The following MTSS1 variants were observed in gnomAD, a reference collection of about 807,000 sequenced individuals.
MTSS1 encodes the protein protein MTSS 1.
In MTSS1, 18 loss-of-function variants were observed where a neutral mutation model predicts 79.0. The ratio of observed to expected loss-of-function variants is 0.23; its 90% CI spans 0.16 to 0.34. The LOEUF (loss-of-function observed/expected upper bound fraction) is 0.34, where lower values mean the gene tolerates loss of function less well. Among genes scored for constraint, MTSS1 ranks in the 10% least tolerant of loss-of-function variants. The probability of loss-of-function intolerance (pLI) is 1.00; values close to 1 mark genes in which losing one functional copy is unlikely to be tolerated. For synonymous variants in MTSS1, 341 were observed against 368.6 expected, an observed-to-expected ratio of 0.93 and a Z score of 0.86; for missense variants, 815 against 986.2, an observed-to-expected ratio of 0.83 and a Z score of 2.33.
chr8:124,705,816 T>C (rs1564027475), intron 1 of MTSS1, among the ~76,000 whole-genome samples: 1 of 152,224 alleles, frequency 6.6e-6, no homozygotes, highest in Non-Finnish European at 1.5e-5. Flanking sequence ...TAATTCTTTG[T>C]CGTGGGGGGC....
chr8:124,649,039 T>C (rs1717625651), intron 3 of MTSS1, among the ~76,000 whole-genome samples: 2 of 152,244 alleles, frequency 1.3e-5, no homozygotes, highest in African/African-American at 4.8e-5. Context: ...CTTCATAAAC[T>C]TTCCAAAAAT....
intron 6 of MTSS1, among the ~76,000 whole-genome samples, chr8:124,578,437 C>A (rs7003893): frequency 0.17 from 26,400 of 151,870 alleles, 2,964 homozygotes; most frequent in African/African-American, 0.31. Flanking sequence ...ATTATCACTA[C>A]CCTACCCCCA....
At chr8:124,681,409 C>T (rs913705634) in intron 3 of MTSS1, among the ~76,000 whole-genome samples, 20 of 152,106 alleles carry the variant, frequency 1.3e-4, no homozygotes, top group African/African-American at 4.1e-4. Context: ...TAAATATCCA[C>T]GATAAAAATG....
intron 3 of MTSS1, among the ~76,000 whole-genome samples, chr8:124,593,853 A>G (rs576956195): frequency 6.6e-6 from 1 of 152,318 alleles, no homozygotes; most frequent in Admixed American, 6.5e-5. Context: ...TGATGGACAA[A>G]GGGAGATGGG....
chr8:124,657,075 C>G (rs999767171), intron 3 of MTSS1, among the ~76,000 whole-genome samples: 8 of 152,146 alleles, frequency 5.3e-5, no homozygotes, highest in Admixed American at 3.9e-4. Context: ...GGAATCTAGA[C>G]TAATGATGTG....
chr8:124,584,360 G>A (rs1830503697), intron 6 of MTSS1, among the ~76,000 whole-genome samples: 1 of 152,216 alleles, frequency 6.6e-6, no homozygotes, highest in South Asian at 2.1e-4. Context: ...AGACTGGAAG[G>A]AATGTCACCT....
intron 3 of MTSS1, among the ~76,000 whole-genome samples, chr8:124,656,637 G>A (rs1820987882): frequency 2.6e-5 from 4 of 151,788 alleles, no homozygotes; most frequent in African/African-American, 7.3e-5. Flanking sequence ...AATTAGCCAG[G>A]TGTGGTGGTG....
Position 124,609,503 on chromosome 8 carries a change from T to C in MTSS1, c.209-18268A>G, listed in dbSNP as rs1389834550. Among the ~76,000 whole-genome samples, 3 of 152,296 alleles carry C rather than the reference T, an allele frequency of 2.0e-5. No homozygotes were observed. The East Asian group carries it at 5.8e-4, about 29-fold the overall frequency. ...TTCAGAGTGACTTGGTATAAAAAGG[T>C]GGGCAAGGAGTAAGCTTTTATCTTC... On this transcript the variant is annotated intron_variant, in intron 3 of 13. Coordinates refer to ENST00000518547, the MANE Select transcript of MTSS1 (RefSeq NM_014751.6).
chr8:124,567,058 C>A lies in MTSS1; in HGVS notation c.726+13G>T. 4 of 1,592,438 alleles carry A rather than the reference C, an allele frequency of 2.5e-6. No homozygotes were observed. Among genetic ancestry groups the A allele is most frequent in the South Asian group, 1.1e-5 (1 of 90,564 alleles). ...TGGTTTGATCCTGTAAGTGCTTAAC[C>A]CCTGAAGCCTACCTGTTCACTTGAG... is the stretch of plus-strand genomic sequence containing the variant. On this transcript the variant is annotated intron_variant, in intron 8 of 13. Transcript: ENST00000518547.
intron 1 of MTSS1, among the ~76,000 whole-genome samples, chr8:124,720,962 C>G (rs879419808): frequency 6.6e-6 from 1 of 152,176 alleles, no homozygotes; most frequent in East Asian, 1.9e-4. Flanking sequence ...GATTAAATAA[C>G]TCGCCCATGG....
chr8:124,559,257 T>G (rs1824743002), intron 10 of MTSS1, among the ~76,000 whole-genome samples: 3 of 152,188 alleles, frequency 2.0e-5, no homozygotes, highest in Admixed American at 1.3e-4. Flanking sequence ...GTCACCTCTC[T>G]TATGTGCATA....
intron 1 of MTSS1, among the ~76,000 whole-genome samples, chr8:124,723,890 G>A (rs1171473798): frequency 1.3e-5 from 2 of 152,192 alleles, no homozygotes; most frequent in African/African-American, 4.8e-5. Flanking sequence ...TTTCAGTGCT[G>A]TCCTGGAGAA....
At chr8:124,686,914 CAA>C (rs1000983816) in intron 3 of MTSS1, among the ~76,000 whole-genome samples, 1 of 152,154 alleles carries the variant, frequency 6.6e-6, no homozygotes, top group African/African-American at 2.4e-5. Flanking sequence ...CAGGCAGCTT[CAA>C]AGTTGTGTGC....
intron 3 of MTSS1, among the ~76,000 whole-genome samples, chr8:124,614,394 C>T (rs1489920545): frequency 6.6e-6 from 1 of 152,146 alleles, no homozygotes; most frequent in Non-Finnish European, 1.5e-5. Context: ...ATACCATTTC[C>T]CTCTCCTTTC....
intron 3 of MTSS1, among the ~76,000 whole-genome samples, chr8:124,638,750 C>G (rs1817491607): frequency 6.6e-6 from 1 of 152,202 alleles, no homozygotes. Context: ...TTTCCCACCT[C>G]TTTGTCCAGG....
At chr8:124,630,721 C>T (rs1294931933) in intron 3 of MTSS1, among the ~76,000 whole-genome samples, 3 of 152,186 alleles carry the variant, frequency 2.0e-5, no homozygotes, top group African/African-American at 7.2e-5. Flanking sequence ...AGGGCAGTAC[C>T]TACTTACAAG....
intron 1 of MTSS1, among the ~76,000 whole-genome samples, chr8:124,711,503 T>TCCAGC (rs1831157410): frequency 2.6e-5 from 4 of 152,152 alleles, no homozygotes; most frequent in East Asian, 3.9e-4. Context: ...AGAGCCAGCC[T>TCCAGC]CCAGCCCAGC....
At chr8:124,670,466 G>A (rs1236649951) in intron 3 of MTSS1, among the ~76,000 whole-genome samples, 1 of 142,046 alleles carries the variant, frequency 7.0e-6, no homozygotes, top group Non-Finnish European at 1.6e-5. Flanking sequence ...GGTATGGTTA[G>A]GGACTCCTGA....
At chr8:124,632,934 G>C (rs948622945) in intron 3 of MTSS1, among the ~76,000 whole-genome samples, 3 of 152,076 alleles carry the variant, frequency 2.0e-5, no homozygotes, top group African/African-American at 7.2e-5. Context: ...TCCCAAAGTG[G>C]TGGGATTACA....
Sources: gnomAD v4.1 joint callset for allele counts (sites outside exome capture counted in the v4.1 genomes callset) on GRCh38, gnomAD v4.1.1 for gene constraint, MANE v1.5 for transcripts, NCBI Gene and HGNC (gene_info 2026-07-23, HGNC 2026-07-21) for gene names.